TENT2: variants seen among roughly 807,000 people sequenced by gnomAD.
The protein encoded by TENT2 is poly(A) RNA polymerase GLD2.
In TENT2, 44 loss-of-function variants were observed where a neutral mutation model predicts 72.2. That is an observed-to-expected ratio of 0.61 (90% CI 0.48 to 0.78). TENT2 has a LOEUF of 0.78. Ranked by LOEUF, TENT2 falls within the 30% of genes least tolerant of loss-of-function variation. The pLI, the probability that TENT2 is intolerant of heterozygous loss-of-function variation, is 0.00. For missense variants in TENT2, 541 were observed against 569.6 expected, an observed-to-expected ratio of 0.95 and a Z score of 0.51; for synonymous variants, 212 against 192.5, an observed-to-expected ratio of 1.10 and a Z score of -0.84.
At chr5:79,659,985 A>G (rs1383409265) in intron 11 of TENT2, among the ~76,000 whole-genome samples, 1 of 151,988 alleles carries the variant, frequency 6.6e-6, no homozygotes, top group Non-Finnish European at 1.5e-5. Context: ...TACAAAGGAA[A>G]CCGCGGAGTT....
intron 10 of TENT2, among the ~76,000 whole-genome samples, chr5:79,651,138 T>C (rs548351654): frequency 1.2e-4 from 19 of 152,074 alleles, no homozygotes; most frequent in African/African-American, 1.9e-4. Flanking sequence ...AAAATTGTTA[T>C]TGTTAATATT....
chr5:79,679,860 T>C (rs540308930), intron 13 of TENT2, among the ~76,000 whole-genome samples, 190 bp downstream of exon 13: 2 of 152,198 alleles, frequency 1.3e-5, no homozygotes, highest in African/African-American at 2.4e-5. Flanking sequence ...ACATAAACTT[T>C]AGGCATTCAC....
chr5:79,653,266 C>T (rs376416706), intron 10 of TENT2, among the ~76,000 whole-genome samples: 1 of 152,054 alleles, frequency 6.6e-6, no homozygotes, highest in East Asian at 1.9e-4. Context: ...GGGAGGATTG[C>T]TTGAGGCCAG....
intron 12 of TENT2, among the ~76,000 whole-genome samples, chr5:79,673,310 T>C (rs1057474457): frequency 2.0e-5 from 3 of 152,208 alleles, no homozygotes; most frequent in African/African-American, 7.2e-5. Context: ...TGTGATCCCA[T>C]TGTCCATTTG....
At chr5:79,652,063 AAGC>A (rs1452706174) in intron 10 of TENT2, among the ~76,000 whole-genome samples, 14 of 152,232 alleles carry the variant, frequency 9.2e-5, no homozygotes, top group African/African-American at 2.9e-4. Flanking sequence ...CTCTTTTAGA[AAGC>A]AGTGTTGTAT....
At chr5:79,680,926 G>A (rs140825985) in intron 13 of TENT2, among the ~76,000 whole-genome samples, 4 of 151,522 alleles carry the variant, frequency 2.6e-5, no homozygotes, top group East Asian at 1.9e-4. Context: ...CAGTTTCCTC[G>A]TACTCTTCTG....
At position 79,686,439 on chromosome 5, in the gene TENT2, GT is replaced by G. The variant is rs147192503; in HGVS notation, c.*1170del. 6.6e-6 allele frequency: 1 copy of G among 152,000 alleles called. No individual in the cohort carries two copies. Among genetic ancestry groups the G allele is most frequent in the African/African-American group, 2.4e-5 (1 of 41,502 alleles). The allele number at this position is 152,000 out of a possible 1,614,324, so 9.4% of individuals were successfully genotyped here. A position where few individuals can be genotyped will look rare whatever the true frequency, so the allele number is the denominator to read the frequency against. Reference sequence around the variant, plus strand: ...AATATAAAAAGTAACCTTGAAAACAGTTTTAACTTTTTCAAAAGAACTATGT... The same window carrying G: ...AATATAAAAAGTAACCTTGAAAACAGTTTAACTTTTTCAAAAGAACTATGT... On this transcript the variant is annotated 3_prime_UTR_variant, in exon 15 of 15. Coordinates refer to ENST00000453514, the MANE Select transcript of TENT2 (RefSeq NM_001114394.3).
intron 7 of TENT2, among the ~76,000 whole-genome samples, chr5:79,644,173 G>T (rs1238025980): frequency 6.6e-6 from 1 of 151,864 alleles, no homozygotes; most frequent in African/African-American, 2.4e-5. Context: ...GTAGAGACAG[G>T]GTTTCGCCAT....
Position 79,629,543 on chromosome 5 carries a change from A to G in TENT2, c.465+6054A>G, listed in dbSNP as rs532776065. Among the ~76,000 whole-genome samples, 680 of 152,322 alleles carry G rather than the reference A, an allele frequency of 4.5e-3. 3 individuals carry two copies. The highest frequency in any genetic ancestry group is 0.016 in the African/African-American group (646 of 41,584). On this transcript the variant is annotated intron_variant, in intron 4 of 14. Coordinates refer to ENST00000453514, the MANE Select transcript of TENT2 (RefSeq NM_001114394.3). ...GGGAGCCATTAAAAAATAACCATAC[A>G]TAGGCCAGGCACAGTGGCTCACGCC...
At chr5:79,645,062 GT>G (rs1787737898) in intron 7 of TENT2, 60 bp from the exon 8 acceptor site, 55 of 1,362,798 alleles carry the variant, frequency 4.0e-5, no homozygotes, top group Non-Finnish European at 5.4e-5. Flanking sequence ...AAAAATGTGC[GT>G]TGGAACACTG....
rs1288110939 is a variant in TENT2, at chr5:79,686,984, T to C, written c.*1711T>C. On this transcript the variant is annotated 3_prime_UTR_variant, in exon 15 of 15. Coordinates refer to ENST00000453514, the MANE Select transcript of TENT2 (RefSeq NM_001114394.3). Reference sequence around the variant, plus strand: ...CATTAGTCATAGTACTATTCAGTAATACTGTGCAACTTTCAGGGATGGGTA... The same window carrying C: ...CATTAGTCATAGTACTATTCAGTAACACTGTGCAACTTTCAGGGATGGGTA... Among the ~76,000 whole-genome samples the C allele has an allele frequency of 6.6e-6, 1 of 152,190 alleles. No homozygotes were observed. The highest frequency in any genetic ancestry group is 1.5e-5 in the Non-Finnish European group (1 of 68,024).
intron 6 of TENT2, among the ~76,000 whole-genome samples, chr5:79,641,437 GTT>G (rs201464334): frequency 4.4e-5 from 6 of 135,566 alleles, no homozygotes; most frequent in African/African-American, 1.0e-4. Context: ...TTCACTATGT[GTT>G]TTTTTTTTTT....
At chr5:79,655,440 C>T (rs1425814764) in intron 10 of TENT2, among the ~76,000 whole-genome samples, 2 of 152,032 alleles carry the variant, frequency 1.3e-5, no homozygotes, top group African/African-American at 4.8e-5. Context: ...TCTCTATAAT[C>T]TTCTCTTCAT....
intron 11 of TENT2, among the ~76,000 whole-genome samples, chr5:79,661,360 G>A (rs1358925880): frequency 6.6e-6 from 1 of 152,172 alleles, no homozygotes; most frequent in African/African-American, 2.4e-5. Flanking sequence ...CATGTTTTTA[G>A]TGTACCTTTT....
Position 79,687,691 on chromosome 5 carries a change from A to T in TENT2, c.*2418A>T, listed in dbSNP as rs1826470096. Among the ~76,000 whole-genome samples, 1 of 152,140 alleles carries T rather than the reference A, an allele frequency of 6.6e-6. No homozygotes were observed. Among genetic ancestry groups the T allele is most frequent in the African/African-American group, 2.4e-5 (1 of 41,428 alleles). ...TTTTTCATCCTGGTTGAATTCACAA[A>T]TCCTACATGGTTACGGAGGGTTGAC... On this transcript the variant is annotated 3_prime_UTR_variant, in exon 15 of 15. Transcript: ENST00000453514.
At chr5:79,626,172 C>G (rs952501068) in intron 4 of TENT2, among the ~76,000 whole-genome samples, 1 of 151,098 alleles carries the variant, frequency 6.6e-6, no homozygotes, top group East Asian at 2.0e-4. Flanking sequence ...CTCTTGCTGT[C>G]ATGCCCAGGC....
intron 14 of TENT2, 109 bp downstream of exon 14, chr5:79,682,170 T>G (rs1822494413): frequency 1.5e-6 from 1 of 645,518 alleles, no homozygotes; most frequent in Admixed American, 3.1e-5. Flanking sequence ...TGTGAATCCA[T>G]TAATATAGCA....
intron 4 of TENT2, among the ~76,000 whole-genome samples, chr5:79,637,066 A>C (rs763188493): frequency 2.6e-5 from 4 of 152,194 alleles, no homozygotes; most frequent in East Asian, 1.9e-4. Context: ...GTGAGAAACT[A>C]TCTCTCAAGA....
chr5:79,620,085 T>G lies in TENT2; in HGVS notation c.227+2T>G, dbSNP rs752277075. 11 of 1,574,200 alleles carry G rather than the reference T, an allele frequency of 7.0e-6. No homozygotes were observed. The highest frequency in any genetic ancestry group is 1.4e-5 in the African/African-American group (1 of 73,918). On this transcript the variant is annotated splice_donor_variant, in intron 3 of 14. Transcript: ENST00000453514. LOFTEE classifies it high-confidence loss of function. ...TTCCCCATTATTTCGAGGAAGGAAG[T>G]AAGTACTTCTTAATTATTTTAAAAG...
Sources: gnomAD v4.1 joint callset for allele counts (sites outside exome capture counted in the v4.1 genomes callset) on GRCh38, gnomAD v4.1.1 for gene constraint, MANE v1.5 for transcripts, NCBI Gene and HGNC (gene_info 2026-07-23, HGNC 2026-07-21) for gene names.